KCNB2: variants seen among roughly 807,000 people sequenced by gnomAD.
KCNB2 encodes the protein potassium voltage-gated channel subfamily B member 2.
In KCNB2, 15 loss-of-function variants were observed where a neutral mutation model predicts 61.5. That is an observed-to-expected ratio of 0.24 (90% confidence interval 0.16 to 0.38). The LOEUF (loss-of-function observed/expected upper bound fraction) is 0.38, where lower values mean the gene tolerates loss of function less well. KCNB2 is among the 10% of genes least tolerant of loss of function. The pLI, the probability that KCNB2 is intolerant of heterozygous loss-of-function variation, is 1.00. For synonymous variants in KCNB2, 457 were observed against 446.0 expected (o/e 1.02, Z -0.31); for missense variants, 828 against 1,125.2 (o/e 0.74, Z 3.78).
chr8:72,825,810 C>T (rs559142123), intron 2 of KCNB2, among the ~76,000 whole-genome samples: 1 of 152,280 alleles, frequency 6.6e-6, no homozygotes, highest in Non-Finnish European at 1.5e-5. Context: ...CCTTATCACA[C>T]ACATGATTTG....
chr8:72,603,583 G>A (rs765757123), intron 2 of KCNB2, among the ~76,000 whole-genome samples: 11 of 152,162 alleles, frequency 7.2e-5, no homozygotes, highest in Non-Finnish European at 1.5e-4. Flanking sequence ...CAGCGATGCA[G>A]AGCAGAGTGG....
intron 2 of KCNB2, among the ~76,000 whole-genome samples, chr8:72,659,042 GT>G (rs1806337707): frequency 6.6e-6 from 1 of 152,202 alleles, no homozygotes; most frequent in Admixed American, 6.5e-5. Context: ...TGACTTCCAA[GT>G]TTTATTATAT....
At chr8:72,866,549 GAGAGTTA>G (rs1476419558) in intron 2 of KCNB2, among the ~76,000 whole-genome samples, 1 of 152,142 alleles carries the variant, frequency 6.6e-6, no homozygotes, top group African/African-American at 2.4e-5. Context: ...ACTTGATTTT[GAGAGTTA>G]AGCTTAAAAT....
chr8:72,782,034 T>C (rs911405257), intron 2 of KCNB2, among the ~76,000 whole-genome samples: 2 of 152,150 alleles, frequency 1.3e-5, no homozygotes, highest in African/African-American at 4.8e-5. Context: ...GATGGGTTGA[T>C]AGGTGCAGCA....
At chr8:72,642,908 C>G (rs1245227321) in intron 2 of KCNB2, among the ~76,000 whole-genome samples, 1 of 152,042 alleles carries the variant, frequency 6.6e-6, no homozygotes, top group Non-Finnish European at 1.5e-5. Flanking sequence ...GGACTTGAAA[C>G]AAGAATTAAA....
At position 72,937,835 on chromosome 8, in the gene KCNB2, T is replaced by C. The variant is rs1418217608; in HGVS notation, c.2480T>C (p.Val827Ala). Reference protein sequence around the residue: ...ELPGAREEKQVDSSPNCFADK... With the variant: ...ELPGAREEKQADSSPNCFADK... ...CCAGGGGCAAGGGAGGAGAAGCAGG[T>C]GGACTCCAGCCCAAATTGCTTTGCA... Residue 827 changes from valine to alanine, a missense_variant, in exon 3 of 3, where the codon GTG becomes GCG. Physicochemically the swap from Val to Ala is moderately conservative, Grantham distance 64. Around this residue, in one of 4 missense-constraint regions of KCNB2, gnomAD observed 559 missense variants for 588.4 expected, o/e 0.95. Coordinates refer to ENST00000523207, the MANE Select transcript of KCNB2 (RefSeq NM_004770.3). 1.9e-6 allele frequency: 3 copies of C among 1,613,904 alleles called. No homozygotes were observed. Among genetic ancestry groups the C allele is most frequent in the African/African-American group, 1.3e-5 (1 of 74,910 alleles).
At chr8:72,637,298 C>G (rs1022462056) in intron 2 of KCNB2, among the ~76,000 whole-genome samples, 9 of 152,156 alleles carry the variant, frequency 5.9e-5, no homozygotes, top group Admixed American at 3.9e-4. Context: ...TTTACAGTGG[C>G]CTGGTCAGGA....
intron 2 of KCNB2, among the ~76,000 whole-genome samples, chr8:72,770,123 A>G (rs1808536210): frequency 6.6e-6 from 1 of 152,230 alleles, no homozygotes; most frequent in Admixed American, 6.5e-5. Context: ...TAGGAGCACC[A>G]TAGCTCCAGA....
intron 2 of KCNB2, chr8:72,661,344 A>G (rs924419613): frequency 6.6e-6 from 1 of 152,116 alleles, no homozygotes; most frequent in African/African-American, 2.4e-5. Flanking sequence ...AGCCATATCA[A>G]TTGTTTTCTT....
At chr8:72,724,605 C>T (rs1308855798) in intron 2 of KCNB2, among the ~76,000 whole-genome samples, 2 of 152,120 alleles carry the variant, frequency 1.3e-5, no homozygotes, top group Non-Finnish European at 2.9e-5. Context: ...AATATTAGGA[C>T]ACCACGTTAA....
intron 2 of KCNB2, among the ~76,000 whole-genome samples, chr8:72,704,832 A>G (rs1384332017): frequency 1.3e-5 from 2 of 152,198 alleles, no homozygotes; most frequent in Non-Finnish European, 2.9e-5. Flanking sequence ...ATGAAACAGC[A>G]TAGTATTTGC....
At chr8:72,596,650 A>G (rs1480576437) in intron 2 of KCNB2, among the ~76,000 whole-genome samples, 2 of 152,206 alleles carry the variant, frequency 1.3e-5, no homozygotes, top group African/African-American at 4.8e-5. Context: ...CTAATTTCAA[A>G]GAGGATTTTC....
chr8:72,930,352 C>A (rs1458599622), intron 2 of KCNB2, among the ~76,000 whole-genome samples: 1 of 151,984 alleles, frequency 6.6e-6, no homozygotes, highest in Non-Finnish European at 1.5e-5. Context: ...ATTTCTAGTT[C>A]TAGATCCCTG....
chr8:72,556,129 G>T (rs79976291), intron 1 of KCNB2, among the ~76,000 whole-genome samples: 1,906 of 152,076 alleles, frequency 0.013, 30 homozygotes, highest in African/African-American at 0.043. Context: ...CCATCTGTGG[G>T]TCCCTAATTT....
At position 72,928,835 on chromosome 8, in the gene KCNB2, C is replaced by G. The variant is rs556132308; in HGVS notation, c.580-7100C>G. On this transcript the variant is annotated intron_variant, in intron 2 of 2. Transcript: ENST00000523207. ...GTTCAGTCCTAAGGAAAAAAAGATT[C>G]AATTGTCTAGGTTTGTCATGTAAAC... is the stretch of plus-strand genomic sequence containing the variant. 2.6e-5 allele frequency among the ~76,000 whole-genome samples: 4 copies of G among 151,048 alleles called. No individual in the cohort carries two copies. The Admixed American group carries it at 2.7e-4, about 10-fold the overall frequency.
chr8:72,850,715 T>C (rs114856061), intron 2 of KCNB2, among the ~76,000 whole-genome samples: 2,821 of 152,254 alleles, frequency 0.019, 87 homozygotes, highest in African/African-American at 0.064. Context: ...AAAGAAAATT[T>C]AATGGAATAG....
intron 2 of KCNB2, among the ~76,000 whole-genome samples, chr8:72,791,707 C>T (rs377690919): frequency 6.6e-6 from 1 of 152,206 alleles, no homozygotes; most frequent in African/African-American, 2.4e-5. Context: ...AAGGCCACCT[C>T]TCTTCATGAA....
At chr8:72,775,503 C>T (rs1042244206) in intron 2 of KCNB2, among the ~76,000 whole-genome samples, 21 of 152,022 alleles carry the variant, frequency 1.4e-4, no homozygotes, top group African/African-American at 1.4e-4. Context: ...AAGATGTGTG[C>T]GCGTATTTTT....
chr8:72,710,963 G>A (rs1807316290), intron 2 of KCNB2, among the ~76,000 whole-genome samples: 1 of 152,180 alleles, frequency 6.6e-6, no homozygotes. Context: ...CATAGGCTAA[G>A]TTATGCTAGT....
Sources: gnomAD v4.1 joint callset for allele counts (sites outside exome capture counted in the v4.1 genomes callset) on GRCh38, gnomAD v4.1.1 for gene constraint, gnomAD v4.1.1 regional missense constraint, MANE v1.5 for transcripts, NCBI Gene and HGNC (gene_info 2026-07-23, HGNC 2026-07-21) for gene names.